The following P3H2 variants were observed in gnomAD, a reference collection of about 807,000 sequenced individuals.
P3H2 encodes leprecan-like 1.
A neutral mutation model predicts 87.0 loss-of-function variants in P3H2; 80 were observed. The observed-to-expected ratio is 0.92, with a 90% CI of 0.77 to 1.11. P3H2 has a LOEUF of 1.11. Ranked by LOEUF, P3H2 falls within the 50% of genes least tolerant of loss-of-function variation. P3H2 has a pLI of 0.00. For synonymous variants in P3H2, 367 were observed against 359.3 expected, an observed-to-expected ratio of 1.02 and a Z score of -0.24; for missense variants, 1,001 against 923.9, an observed-to-expected ratio of 1.08 and a Z score of -1.08.
At chr3:189,961,230 C>T (rs1172679064) in intron 14 of P3H2, among the ~76,000 whole-genome samples, 7 of 152,282 alleles carry the variant, frequency 4.6e-5, no homozygotes, top group African/African-American at 4.8e-5. Context: ...ACTGAGCCAC[C>T]GTGCCCGGCC....
At chr3:190,034,249 AG>A (rs1240116613) in intron 1 of P3H2, among the ~76,000 whole-genome samples, 1 of 140,078 alleles carries the variant, frequency 7.1e-6, no homozygotes, top group Non-Finnish European at 1.6e-5. Context: ...CTCTGTCAAA[AG>A]TCAGGTTTAG....
intron 1 of P3H2, among the ~76,000 whole-genome samples, chr3:190,076,285 G>C (rs1275318595): frequency 6.6e-6 from 1 of 151,978 alleles, no homozygotes; most frequent in East Asian, 1.9e-4. Flanking sequence ...GGATTTTCAG[G>C]GCCAAGTGCT....
chr3:190,099,324 A>G (rs889331454), intron 1 of P3H2, among the ~76,000 whole-genome samples: 5 of 152,362 alleles, frequency 3.3e-5, no homozygotes, highest in African/African-American at 9.6e-5. Flanking sequence ...CAATGAGGAA[A>G]GACAATTACT....
intron 1 of P3H2, among the ~76,000 whole-genome samples, chr3:190,004,586 C>T (rs1238996895): frequency 6.6e-6 from 1 of 151,852 alleles, no homozygotes; most frequent in East Asian, 1.9e-4. Context: ...GTTTCACCGT[C>T]TTAGCCGGGA....
chr3:190,049,329 C>A (rs1330732724), intron 1 of P3H2, among the ~76,000 whole-genome samples: 1 of 151,934 alleles, frequency 6.6e-6, no homozygotes, highest in African/African-American at 2.4e-5. Flanking sequence ...TAAATAAAAC[C>A]AGATGCTTAA....
At chr3:190,046,071 T>C (rs570668884) in intron 1 of P3H2, among the ~76,000 whole-genome samples, 11 of 147,858 alleles carry the variant, frequency 7.4e-5, no homozygotes, top group East Asian at 6.0e-4. Context: ...TGCAGTGAGC[T>C]GAGATCGCAC....
At chr3:189,984,693 C>T in intron 6 of P3H2, 103 bp from the exon 7 acceptor site, 1 of 824,584 alleles carries the variant, frequency 1.2e-6, no homozygotes, top group Non-Finnish European at 2.0e-6. Flanking sequence ...TTCAAAAGAT[C>T]TATAATTTAG....
chr3:190,016,796 C>A (rs7618958), intron 1 of P3H2, among the ~76,000 whole-genome samples: 32,018 of 151,992 alleles, frequency 0.21, 3,494 homozygotes, highest in Non-Finnish European at 0.25. Context: ...TCCCATGACC[C>A]CCTTCTTGCA....
At chr3:189,991,620 T>C (rs1239479207) in intron 3 of P3H2, among the ~76,000 whole-genome samples, 4 of 152,180 alleles carry the variant, frequency 2.6e-5, no homozygotes, top group Admixed American at 6.5e-5. Flanking sequence ...AGCCGAGAGA[T>C]AGAAGAAAAC....
At chr3:190,097,095 C>G (rs748294590) in intron 1 of P3H2, among the ~76,000 whole-genome samples, 4 of 152,072 alleles carry the variant, frequency 2.6e-5, no homozygotes. Context: ...ACAGGGCTCT[C>G]GTGAGGAAGG....
At chr3:190,089,990 TA>T (rs1423611294) in intron 1 of P3H2, among the ~76,000 whole-genome samples, 1 of 152,036 alleles carries the variant, frequency 6.6e-6, no homozygotes, top group East Asian at 1.9e-4. Context: ...GTCAGTGAGG[TA>T]AAGAACTTGT....
At position 189,995,316 on chromosome 3, in the gene P3H2, C is replaced by CCAACTGCAATGCTTCAACACCAGCTGT. The variant is rs776674983; in HGVS notation, c.580_606dup (p.Thr194_Leu202dup). The CCAACTGCAATGCTTCAACACCAGCTGT allele has an allele frequency of 1.9e-6, 3 of 1,614,116 alleles. No homozygotes were observed. The highest frequency in any genetic ancestry group is 2.5e-6 in the Non-Finnish European group (3 of 1,180,014). On this transcript the variant is annotated inframe_insertion, in exon 2 of 15. Coordinates refer to ENST00000319332, the MANE Select transcript of P3H2 (RefSeq NM_018192.4). ...ATGTGTGGCTTGGCTTCTCTGTCTA[C>CCAACTGCAATGCTTCAACACCAGCTGT]CAACTGCAATGCTTCAACACCAGCT...
chr3:190,046,246 C>T (rs1193033561), intron 1 of P3H2, among the ~76,000 whole-genome samples: 1 of 152,094 alleles, frequency 6.6e-6, no homozygotes, highest in East Asian at 1.9e-4. Flanking sequence ...CTCTTGTGAT[C>T]TATCTGGTTC....
At position 190,080,498 on chromosome 3, in the gene P3H2, G is replaced by A. The variant is rs1727008660; in HGVS notation, c.480+39754C>T. 2.0e-5 allele frequency among the ~76,000 whole-genome samples: 3 copies of A among 151,480 alleles called. No individual in the cohort carries two copies. The South Asian group carries it at 6.2e-4, about 32-fold the overall frequency. ...TCACCGCAACCTCTGCCTCCCAGGT[G>A]CAAGTGATTCTCCTGCTTCAGCCTC... On this transcript the variant is annotated intron_variant, in intron 1 of 14. Transcript: ENST00000319332.
chr3:189,972,962 C>G lies in P3H2; in HGVS notation c.1611G>C (p.Lys537Asn). Reference protein sequence around the residue: ...SARLFYDISEKARRIVESYFM... With the variant: ...SARLFYDISENARRIVESYFM... ...AATAAGATTCTACAATCCTTCGAGC[C>G]TTTTCGCTGATGTCATAAAACAGAC... is the stretch of plus-strand genomic sequence containing the variant. Residue 537 changes from lysine (K) to asparagine (N), a missense_variant, in exon 11 of 15, where the codon AAG becomes AAC. Coordinates refer to ENST00000319332, the MANE Select transcript of P3H2 (RefSeq NM_018192.4). 3 of 1,613,642 alleles carry G rather than the reference C, an allele frequency of 1.9e-6. No homozygotes were observed. Among genetic ancestry groups the G allele is most frequent in the Non-Finnish European group, 2.5e-6 (3 of 1,179,928 alleles).
chr3:189,994,910 A>G (rs944346363), intron 2 of P3H2, among the ~76,000 whole-genome samples: 1 of 152,064 alleles, frequency 6.6e-6, no homozygotes, highest in African/African-American at 2.4e-5. Flanking sequence ...ATCCTGAACA[A>G]TTTACACTGG....
In P3H2 at chr3:190,098,423, T is replaced by C. The variant is rs115457244; in HGVS notation, c.480+21829A>G. Among the ~76,000 whole-genome samples, 490 of 152,312 alleles carry C rather than the reference T, an allele frequency of 3.2e-3. 4 individuals are homozygous for C. The highest frequency in any genetic ancestry group is 0.011 in the African/African-American group (458 of 41,568). ...TGAGGTCTGAAAGTGACAACAGTCA[T>C]AATTTTCCGTAGTTGCTATAAATGA... On this transcript the variant is annotated intron_variant, in intron 1 of 14. Transcript: ENST00000319332.
At chr3:190,068,927 A>T (rs1726604763) in intron 1 of P3H2, among the ~76,000 whole-genome samples, 1 of 152,218 alleles carries the variant, frequency 6.6e-6, no homozygotes, top group Admixed American at 6.5e-5. Flanking sequence ...AATCACATTT[A>T]ATATCCTATT....
chr3:189,969,629 A>G (rs553291122), intron 13 of P3H2: 153 of 1,196,382 alleles, frequency 1.3e-4, no homozygotes, highest in Admixed American at 5.5e-4. Flanking sequence ...CAAAGCCCAG[A>G]TGGTCGCCTG....
Sources: gnomAD v4.1 joint callset for allele counts (sites outside exome capture counted in the v4.1 genomes callset) on GRCh38, gnomAD v4.1.1 for gene constraint, MANE v1.5 for transcripts, NCBI Gene and HGNC (gene_info 2026-07-23, HGNC 2026-07-21) for gene names.